UBASH3B: variants seen among roughly 807,000 people sequenced by gnomAD.
The protein encoded by UBASH3B is ubiquitin associated and SH3 domain containing B.
A neutral mutation model predicts 83.4 loss-of-function variants in UBASH3B; 37 were observed. The ratio of observed to expected loss-of-function variants is 0.44; its 90% CI spans 0.34 to 0.58. UBASH3B has a LOEUF of 0.58. Among genes scored for constraint, UBASH3B ranks in the 20% least tolerant of loss-of-function variants. The probability of loss-of-function intolerance (pLI) is 0.01; values close to 1 mark genes in which losing one functional copy is unlikely to be tolerated. For missense variants in UBASH3B, 657 were observed against 827.2 expected, an observed-to-expected ratio of 0.79 and a Z score of 2.52; for synonymous variants, 304 against 318.3, an observed-to-expected ratio of 0.96 and a Z score of 0.48.
Position 122,810,013 on chromosome 11 carries a change from C to A in UBASH3B, c.*127C>A. On this transcript the variant is annotated 3_prime_UTR_variant, in exon 14 of 14. Coordinates refer to ENST00000284273, the MANE Select transcript of UBASH3B (RefSeq NM_032873.5). ...GAATAATTTAGCATATTTCCTTTCA[C>A]ACTTAAAGTTCTTAAGATGAGACTG... is the stretch of plus-strand genomic sequence containing the variant. The A allele has an allele frequency of 8.5e-7, 1 of 1,177,012 alleles. No individual in the cohort carries two copies. The highest frequency in any genetic ancestry group is 1.6e-5 in the South Asian group (1 of 63,528). The allele number at this position is 1,177,012 out of a possible 1,614,324, so 72.9% of individuals were successfully genotyped here.
chr11:122,753,497 C>CTT (rs200062623), intron 1 of UBASH3B, among the ~76,000 whole-genome samples: 4 of 115,696 alleles, frequency 3.5e-5, no homozygotes, highest in African/African-American at 9.9e-5. Context: ...TTTTTTCTTT[C>CTT]TTTTTTTTTT....
intron 1 of UBASH3B, among the ~76,000 whole-genome samples, chr11:122,723,671 C>G (rs764899942): frequency 6.6e-6 from 1 of 152,192 alleles, no homozygotes; most frequent in Non-Finnish European, 1.5e-5. Flanking sequence ...CAGCCCAGTT[C>G]CAAGAAAGAG....
At chr11:122,681,508 G>A (rs11218749) in intron 1 of UBASH3B, among the ~76,000 whole-genome samples, 23,688 of 152,142 alleles carry the variant, frequency 0.16, 1,993 homozygotes, top group African/African-American at 0.21. Flanking sequence ...GAAATCACGT[G>A]TGTAGTAGGT....
intron 1 of UBASH3B, among the ~76,000 whole-genome samples, chr11:122,724,451 C>T (rs975999102): frequency 5.8e-4 from 89 of 152,188 alleles, no homozygotes; most frequent in Admixed American, 1.2e-3. Context: ...GCCCACCTTG[C>T]AGGAGTTCAC....
chr11:122,763,782 T>C (rs186907766), intron 1 of UBASH3B, among the ~76,000 whole-genome samples: 128 of 152,350 alleles, frequency 8.4e-4, no homozygotes, highest in Admixed American at 4.2e-3. Context: ...TCTCCATTAG[T>C]TTCATTTCCT....
intron 1 of UBASH3B, among the ~76,000 whole-genome samples, chr11:122,704,172 T>C (rs116037797): frequency 0.016 from 2,452 of 152,336 alleles, 71 homozygotes; most frequent in African/African-American, 0.056. Flanking sequence ...ATTTACGGGC[T>C]GAGTCCTTGG....
chr11:122,809,933 C>G lies in UBASH3B; in HGVS notation c.*47C>G, dbSNP rs1449978244. On this transcript the variant is annotated 3_prime_UTR_variant, in exon 14 of 14. Transcript: ENST00000284273. Reference sequence around the variant, plus strand: ...GAAAGGCCTTTTGGAGTGTGTCTTTCTGTGTGTTTAAAAACAGTGGGAAAA... The same window carrying G: ...GAAAGGCCTTTTGGAGTGTGTCTTTGTGTGTGTTTAAAAACAGTGGGAAAA... 1 of 1,598,112 alleles carries G rather than the reference C, an allele frequency of 6.3e-7. No homozygotes were observed. The highest frequency in any genetic ancestry group is 2.2e-5 in the East Asian group (1 of 44,762).
intron 1 of UBASH3B, among the ~76,000 whole-genome samples, chr11:122,762,387 G>A (rs374566888): frequency 6.6e-6 from 1 of 152,190 alleles, no homozygotes; most frequent in African/African-American, 2.4e-5. Context: ...GAGGATCTGC[G>A]AGGAAGAAGG....
Position 122,655,983 on chromosome 11 carries a change from G to A in UBASH3B, c.-67G>A. ...CGAGCCCCCTCCCCTGGCCCAGCCCGACTCCCTCCTCCTTCCCGAACCATC... is the reference window on the plus strand; with the variant it reads ...CGAGCCCCCTCCCCTGGCCCAGCCCAACTCCCTCCTCCTTCCCGAACCATC... On this transcript the variant is annotated 5_prime_UTR_variant, in exon 1 of 14. Coordinates refer to ENST00000284273, the MANE Select transcript of UBASH3B (RefSeq NM_032873.5). 1.4e-6 allele frequency: 1 copy of A among 732,036 alleles called. No individual in the cohort carries two copies. Among genetic ancestry groups the A allele is most frequent in the Non-Finnish European group, 1.9e-6 (1 of 532,848 alleles). 45.3% of individuals were successfully genotyped at this position (732,036 alleles called of 1,614,324 possible).
intron 1 of UBASH3B, among the ~76,000 whole-genome samples, chr11:122,752,961 C>A (rs1861222548): frequency 6.6e-6 from 1 of 152,084 alleles, no homozygotes; most frequent in African/African-American, 2.4e-5. Context: ...CCTCACCTGC[C>A]CTTCTGTTTG....
intron 11 of UBASH3B, among the ~76,000 whole-genome samples, chr11:122,802,811 A>ATTGT (rs1861280721): frequency 1.3e-5 from 2 of 152,110 alleles, no homozygotes; most frequent in Admixed American, 1.3e-4. Context: ...TTAGCAATAA[A>ATTGT]TTGTTGTCCC....
chr11:122,680,001 T>C (rs1250622573), intron 1 of UBASH3B, among the ~76,000 whole-genome samples: 1 of 152,070 alleles, frequency 6.6e-6, no homozygotes, highest in Non-Finnish European at 1.5e-5. Context: ...CGGCTAATTT[T>C]TGTATTTTTA....
chr11:122,684,097 T>C (rs1353464693), intron 1 of UBASH3B, among the ~76,000 whole-genome samples: 3 of 152,274 alleles, frequency 2.0e-5, no homozygotes, highest in East Asian at 3.9e-4. Flanking sequence ...CACATTCTTA[T>C]AGAAAAAAAT....
chr11:122,707,941 T>C (rs1864145143), intron 1 of UBASH3B, among the ~76,000 whole-genome samples: 1 of 152,150 alleles, frequency 6.6e-6, no homozygotes, highest in Admixed American at 6.6e-5. Context: ...GCGATCCATC[T>C]GCCTTGGCCT....
intron 1 of UBASH3B, among the ~76,000 whole-genome samples, chr11:122,666,346 C>T (rs1863518181): frequency 6.6e-6 from 1 of 151,776 alleles, no homozygotes; most frequent in Non-Finnish European, 1.5e-5. Context: ...ACATGTGGAA[C>T]GATGCAGGGT....
In UBASH3B at chr11:122,758,332, G is replaced by T. The variant is rs192353572; in HGVS notation, c.162-17887G>T. Reference sequence around the variant, plus strand: ...AGTAAATAATTTCAGGAAATTGAGCGTAACCTTTCTTAGCAGCTTAGCAGT... The same window carrying T: ...AGTAAATAATTTCAGGAAATTGAGCTTAACCTTTCTTAGCAGCTTAGCAGT... On this transcript the variant is annotated intron_variant, in intron 1 of 13. Transcript: ENST00000284273. The surrounding 1 kb of genome is among the most constrained non-coding windows in gnomAD (Gnocchi z 4.2). Among the ~76,000 whole-genome samples the T allele has an allele frequency of 6.6e-6, 1 of 152,240 alleles. No individual in the cohort carries two copies. Among genetic ancestry groups the T allele is most frequent in the East Asian group, 1.9e-4 (1 of 5,192 alleles).
At chr11:122,710,358 G>C (rs766856760) in intron 1 of UBASH3B, among the ~76,000 whole-genome samples, 1 of 152,144 alleles carries the variant, frequency 6.6e-6, no homozygotes, top group Non-Finnish European at 1.5e-5. Flanking sequence ...AGATGGTGGG[G>C]CCACCATTGT....
In UBASH3B at chr11:122,813,295, G is replaced by A. The variant is rs567042488; in HGVS notation, c.*3409G>A. ...TGAAGTCTCTTATTTCAATTACCTA[G>A]TGTTGTTGGGAACTAATTGAACAGC... On this transcript the variant is annotated 3_prime_UTR_variant, in exon 14 of 14. Coordinates refer to ENST00000284273, the MANE Select transcript of UBASH3B (RefSeq NM_032873.5). The A allele has an allele frequency of 1.3e-3, 200 of 152,254 alleles. 1 individual carries two copies. The highest frequency in any genetic ancestry group is 4.7e-3 in the African/African-American group (196 of 41,538). The allele number at this position is 152,254 out of a possible 1,614,324, so 9.4% of individuals were successfully genotyped here.
chr11:122,724,223 C>A (rs1007278297), intron 1 of UBASH3B, among the ~76,000 whole-genome samples: 1 of 152,240 alleles, frequency 6.6e-6, no homozygotes, highest in African/African-American at 2.4e-5. Context: ...GTAATTGTCA[C>A]TGTGCCTCGG....
Sources: allele counts gnomAD v4.1 joint callset (sites outside exome capture counted in the v4.1 genomes callset), GRCh38; gene constraint gnomAD v4.1.1; non-coding constraint Gnocchi (gnomAD v3.1); transcripts MANE v1.5; gene names NCBI Gene and HGNC (gene_info 2026-07-23, HGNC 2026-07-21).